CFAP20DC: variants seen among roughly 807,000 people sequenced by gnomAD.
CFAP20DC encodes the protein CFAP20 domain containing.
A neutral mutation model predicts 101.7 loss-of-function variants in CFAP20DC; 84 were observed. That is an observed-to-expected ratio of 0.83 (90% CI 0.69 to 0.99). The LOEUF (loss-of-function observed/expected upper bound fraction) is 0.99. CFAP20DC is among the 50% of genes least tolerant of loss of function. The probability of loss-of-function intolerance (pLI) is 0.00; values close to 1 mark genes in which losing one functional copy is unlikely to be tolerated. For missense variants in CFAP20DC, 1,007 were observed against 970.3 expected (o/e 1.04, Z -0.50); for synonymous variants, 359 against 351.2 (o/e 1.02, Z -0.25).
At chr3:58,734,530 G>A (rs1488567548) in intron 3 of CFAP20DC, 1 of 456,344 alleles carries the variant, frequency 2.2e-6, no homozygotes, top group Non-Finnish European at 4.4e-6. Flanking sequence ...ATGTCTCCAA[G>A]CTCTCCAGCT....
intron 15 of CFAP20DC, among the ~76,000 whole-genome samples, chr3:58,789,825 G>A (rs991530370): frequency 3.3e-5 from 5 of 152,012 alleles, no homozygotes; most frequent in Non-Finnish European, 7.4e-5. Context: ...TCCCAGGAAG[G>A]AAATAATTTA....
chr3:59,004,460 A>G (rs1220548613), intron 4 of CFAP20DC, among the ~76,000 whole-genome samples: 1 of 152,222 alleles, frequency 6.6e-6, no homozygotes, highest in East Asian at 1.9e-4. Flanking sequence ...ATTTACAGAT[A>G]AGGCCACTAT....
chr3:58,787,240 C>CA (rs919305715), intron 15 of CFAP20DC, among the ~76,000 whole-genome samples: 55 of 147,846 alleles, frequency 3.7e-4, no homozygotes, highest in African/African-American at 1.2e-3. Context: ...ATCGCAAGAA[C>CA]AAAAAACCAA....
rs369115526 is a variant in CFAP20DC at position 59,014,563 on chromosome 3, A to C, written c.278+24994T>G. Among the ~76,000 whole-genome samples the C allele has an allele frequency of 6.6e-6, 1 of 152,192 alleles. No individual in the cohort carries two copies. Among genetic ancestry groups the C allele is most frequent in the African/African-American group, 2.4e-5 (1 of 41,462 alleles). On this transcript the variant is annotated intron_variant, in intron 4 of 16. Transcript: ENST00000482387. The surrounding 1 kb of genome is among the most constrained non-coding windows in gnomAD (Gnocchi z 4.9). ...AGTACTTGCAGTTAAATTTTATTTAAGCAAACTAAAAGGTAGTGTTGTGGT... is the reference window on the plus strand; with the variant it reads ...AGTACTTGCAGTTAAATTTTATTTACGCAAACTAAAAGGTAGTGTTGTGGT...
At chr3:58,986,833 T>G (rs1410159264) in intron 4 of CFAP20DC, among the ~76,000 whole-genome samples, 2 of 152,064 alleles carry the variant, frequency 1.3e-5, no homozygotes, top group South Asian at 2.1e-4. Context: ...AAACATAAAG[T>G]CACATTCCAA....
At position 58,884,606 on chromosome 3, in the gene CFAP20DC, C is replaced by T. The variant is rs1255793656; in HGVS notation, c.654G>A (p.Met218Ile). The T allele has an allele frequency of 6.2e-7, 1 of 1,613,978 alleles. No individual in the cohort carries two copies. Among genetic ancestry groups the T allele is most frequent in the Admixed American group, 1.7e-5 (1 of 60,018 alleles). ...TTATTTCAGTTTGGCGAAGTTTAGT[C>T]ATGTTTAGCAGCTGTGTGACATGTG... ...DVPHVTQLLN[M>I]TKLRQTEIKF... Residue 218 changes from methionine (M) to isoleucine (I), a missense_variant, in exon 7 of 17, where the codon ATG becomes ATA. Transcript: ENST00000482387.
At chr3:59,017,193 T>C (rs1304752166) in intron 4 of CFAP20DC, 1 of 152,116 alleles carries the variant, frequency 6.6e-6, no homozygotes, top group Non-Finnish European at 1.5e-5. Context: ...AACACAATCA[T>C]ATTCTCCCTC....
intron 6 of CFAP20DC, among the ~76,000 whole-genome samples, chr3:58,901,419 T>C (rs552283607): frequency 1.3e-5 from 2 of 152,322 alleles, no homozygotes; most frequent in Admixed American, 1.3e-4. Flanking sequence ...ACAACAACTC[T>C]ACCTTGTTGT....
intron 6 of CFAP20DC, among the ~76,000 whole-genome samples, chr3:58,889,457 T>C (rs1016863103): frequency 1.0e-3 from 152 of 152,130 alleles, no homozygotes; most frequent in Non-Finnish European, 1.8e-3. Flanking sequence ...ACAACCCCCA[T>C]GCAAACAGAA....
intron 14 of CFAP20DC, among the ~76,000 whole-genome samples, chr3:58,817,568 A>G (rs1434699946): frequency 6.9e-6 from 1 of 144,964 alleles, no homozygotes; most frequent in Non-Finnish European, 1.5e-5. Context: ...AATGAAATGA[A>G]GCGAGAAGGG....
chr3:58,806,522 G>T, intron 14 of CFAP20DC, 66 bp from the exon 15 acceptor site: 1 of 1,134,234 alleles, frequency 8.8e-7, no homozygotes, highest in Non-Finnish European at 1.3e-6. Flanking sequence ...ACATTCACAT[G>T]CACTCTCATT....
intron 3 of CFAP20DC, among the ~76,000 whole-genome samples, chr3:58,720,111 G>A (rs2067450695): frequency 6.6e-6 from 1 of 152,178 alleles, no homozygotes; most frequent in Admixed American, 6.5e-5. Flanking sequence ...ACTGCTCCCT[G>A]CTTCAAGCTC....
rs2093659399 is a variant in CFAP20DC at position 59,014,956 on chromosome 3, C to T, written c.278+24601G>A. On this transcript the variant is annotated intron_variant, in intron 4 of 16. Transcript: ENST00000482387. The surrounding 1 kb of genome is among the most constrained non-coding windows in gnomAD (Gnocchi z 4.9). The stretch of plus-strand genomic sequence containing the variant: ...TTTACACCACAGAAACTAGCAAGTA[C>T]TAAGTAAGCATCAGGACCCTCAATA... Among the ~76,000 whole-genome samples, 1 of 152,056 alleles carries T rather than the reference C, an allele frequency of 6.6e-6. No homozygotes were observed. The highest frequency in any genetic ancestry group is 1.5e-5 in the Non-Finnish European group (1 of 68,008).
chr3:58,854,083 A>AC (rs1351325982), intron 12 of CFAP20DC, among the ~76,000 whole-genome samples: 1 of 152,004 alleles, frequency 6.6e-6, no homozygotes, highest in Admixed American at 6.6e-5. Context: ...TATCTAGAAA[A>AC]CCCCATTGTC....
At chr3:58,787,746 AT>A (rs1391011544) in intron 15 of CFAP20DC, among the ~76,000 whole-genome samples, 2 of 152,184 alleles carry the variant, frequency 1.3e-5, no homozygotes, top group African/African-American at 4.8e-5. Context: ...TCAAATGCCC[AT>A]CAATGATAGA....
intron 6 of CFAP20DC, among the ~76,000 whole-genome samples, chr3:58,891,401 G>A (rs867441595): frequency 1.8e-4 from 21 of 118,546 alleles, no homozygotes; most frequent in South Asian, 1.5e-3. Context: ...GAGGGAGACC[G>A]TGGAAAGAGA....
chr3:58,934,845 C>T (rs2087293668), intron 5 of CFAP20DC, among the ~76,000 whole-genome samples: 1 of 152,166 alleles, frequency 6.6e-6, no homozygotes, highest in Admixed American at 6.5e-5. Context: ...TGGAAGCATT[C>T]CCTTTGAAAA....
chr3:58,792,075 AC>A (rs2072906673), intron 15 of CFAP20DC, among the ~76,000 whole-genome samples: 1 of 152,184 alleles, frequency 6.6e-6, no homozygotes, highest in Non-Finnish European at 1.5e-5. Flanking sequence ...CATGCAAACA[AC>A]TTTTGCTACA....
intron 4 of CFAP20DC, among the ~76,000 whole-genome samples, chr3:59,030,172 T>C (rs1164597525): frequency 3.3e-5 from 5 of 152,216 alleles, no homozygotes; most frequent in African/African-American, 1.2e-4. Context: ...TATGTGACTT[T>C]CCAAGCTTGT....
Sources: gnomAD v4.1 joint callset for allele counts (sites outside exome capture counted in the v4.1 genomes callset) on GRCh38, gnomAD v4.1.1 for gene constraint, Gnocchi (gnomAD v3.1) non-coding constraint, MANE v1.5 for transcripts, NCBI Gene and HGNC (gene_info 2026-07-23, HGNC 2026-07-21) for gene names.